Variants in AGPAT4 observed in about 807,000 individuals in gnomAD.
AGPAT4 encodes the protein 1-acyl-sn-glycerol-3-phosphate acyltransferase delta.
A neutral mutation model predicts 48.0 loss-of-function variants in AGPAT4; 15 were observed. That is an observed-to-expected ratio of 0.31 (90% CI 0.21 to 0.48). The LOEUF is 0.48. Among genes scored for constraint, AGPAT4 ranks in the 20% least tolerant of loss-of-function variants. The pLI, the probability that AGPAT4 is intolerant of heterozygous loss-of-function variation, is 0.99. For synonymous variants in AGPAT4, 178 were observed against 198.7 expected, an observed-to-expected ratio of 0.90 and a Z score of 0.88; for missense variants, 314 against 482.5, an observed-to-expected ratio of 0.65 and a Z score of 3.27.
Position 161,232,573 on chromosome 6 carries a change from G to A in AGPAT4, c.-89-271C>T, listed in dbSNP as rs1213333822. 1.3e-5 allele frequency among the ~76,000 whole-genome samples: 2 copies of A among 152,170 alleles called. No individual in the cohort carries two copies. The highest frequency in any genetic ancestry group is 2.9e-5 in the Non-Finnish European group (2 of 68,016). ...AGGAAACTGAGTCCTGGAAGGTGGAGCCACTCGGCCAGGGTTCACCGCTCC... is the reference window on the plus strand; with the variant it reads ...AGGAAACTGAGTCCTGGAAGGTGGAACCACTCGGCCAGGGTTCACCGCTCC... On this transcript the variant is annotated intron_variant, in intron 1 of 8. Coordinates refer to ENST00000320285, the MANE Select transcript of AGPAT4 (RefSeq NM_020133.3). The surrounding 1 kb of genome is among the most constrained non-coding windows in gnomAD (Gnocchi z 6.8).
In AGPAT4 at chr6:161,270,761, G is replaced by A. The variant is rs923150477; in HGVS notation, c.-90+3177C>T. Among the ~76,000 whole-genome samples, 1 of 151,868 alleles carries A rather than the reference G, an allele frequency of 6.6e-6. No homozygotes were observed. Among genetic ancestry groups the A allele is most frequent in the Non-Finnish European group, 1.5e-5 (1 of 67,960 alleles). On this transcript the variant is annotated intron_variant, in intron 1 of 8. Coordinates refer to ENST00000320285, the MANE Select transcript of AGPAT4 (RefSeq NM_020133.3). This position sits in a 1 kb window ranked among gnomAD's most constrained non-coding sequence, Gnocchi z 5.3. ...CACGCCATTGCACTCCAGCCTGGGCGACAGAGCAAGACTTCATCTCAAAAA... is the reference window on the plus strand; with the variant it reads ...CACGCCATTGCACTCCAGCCTGGGCAACAGAGCAAGACTTCATCTCAAAAA...
rs933724705 is a variant in AGPAT4, at chr6:161,232,945, G to C, written c.-89-643C>G. Among the ~76,000 whole-genome samples, 1 of 152,178 alleles carries C rather than the reference G, an allele frequency of 6.6e-6. No homozygotes were observed. Among genetic ancestry groups the C allele is most frequent in the African/African-American group, 2.4e-5 (1 of 41,444 alleles). ...ACATGAGAGCCATCACTGGCACAGG[G>C]TGGGAACTTAATTTTAAAAAATATT... On this transcript the variant is annotated intron_variant, in intron 1 of 8. Coordinates refer to ENST00000320285, the MANE Select transcript of AGPAT4 (RefSeq NM_020133.3). This position sits in a 1 kb window ranked among gnomAD's most constrained non-coding sequence, Gnocchi z 6.8.
At chr6:161,203,152 T>G (rs550581154) in intron 2 of AGPAT4, among the ~76,000 whole-genome samples, 13 of 152,282 alleles carry the variant, frequency 8.5e-5, no homozygotes, top group Non-Finnish European at 1.8e-4. Flanking sequence ...CAGCATTTAG[T>G]AACTGGAATA....
rs1778889250 is a variant in AGPAT4 at position 161,131,179 on chromosome 6, T to A, written c.*5361A>T. ...AAAAAAACAAATTAAATGTAAAAAT[T>A]GTATGACTCTTACCCAGTGAAAAGC... On this transcript the variant is annotated 3_prime_UTR_variant, in exon 9 of 9. Transcript: ENST00000320285. The A allele has an allele frequency of 3.3e-6, 1 of 302,148 alleles. No homozygotes were observed. Among genetic ancestry groups the A allele is most frequent in the East Asian group, 7.8e-5 (1 of 12,756 alleles). The allele number at this position is 302,148 out of a possible 1,614,324, so 18.7% of individuals were successfully genotyped here. A position where few individuals can be genotyped will look rare whatever the true frequency, so the allele number is the denominator to read the frequency against.
In AGPAT4 at chr6:161,260,655, C is replaced by CAAAA. The variant is rs377444402; in HGVS notation, c.-90+13279_-90+13282dup. 3.7e-4 allele frequency among the ~76,000 whole-genome samples: 17 copies of CAAAA among 45,670 alleles called. 3 individuals carry two copies. The highest frequency in any genetic ancestry group is 6.1e-4 in the Non-Finnish European group (14 of 23,032). The allele number at this position is 45,670 out of a possible 152,430, so 30.0% of individuals were successfully genotyped here. ...TGGGCCACAAAAGGAGACTACGTCTCAAAAAAAAAAAAAAAAAAAAAAAAA... is the reference window on the plus strand; with the variant it reads ...TGGGCCACAAAAGGAGACTACGTCTCAAAAAAAAAAAAAAAAAAAAAAAAAAAAA... On this transcript the variant is annotated intron_variant, in intron 1 of 8. Coordinates refer to ENST00000320285, the MANE Select transcript of AGPAT4 (RefSeq NM_020133.3).
At chr6:161,237,096 G>A (rs55660955) in intron 1 of AGPAT4, among the ~76,000 whole-genome samples, 5,683 of 152,230 alleles carry the variant, frequency 0.037, 122 homozygotes, top group East Asian at 0.088. Context: ...CCAGAAGGCC[G>A]CATCTGACCC....
intron 2 of AGPAT4, among the ~76,000 whole-genome samples, chr6:161,183,013 C>T (rs1780644952): frequency 1.3e-5 from 2 of 152,180 alleles, no homozygotes; most frequent in South Asian, 2.1e-4. Context: ...TTCCCACCCT[C>T]AATGCACCTC....
chr6:161,199,379 G>A (rs540733186), intron 2 of AGPAT4, among the ~76,000 whole-genome samples: 1 of 152,184 alleles, frequency 6.6e-6, no homozygotes, highest in African/African-American at 2.4e-5. Flanking sequence ...CTACTGACTA[G>A]AGCAGAGACC....
intron 1 of AGPAT4, among the ~76,000 whole-genome samples, chr6:161,269,899 CA>C (rs1295893211): frequency 1.3e-5 from 2 of 151,996 alleles, no homozygotes; most frequent in African/African-American, 4.8e-5. Context: ...GACTTAGGAT[CA>C]AAGGAAGAAG....
chr6:161,257,833 C>T (rs1782986231), intron 1 of AGPAT4, among the ~76,000 whole-genome samples: 1 of 152,206 alleles, frequency 6.6e-6, no homozygotes, highest in Admixed American at 6.5e-5. Context: ...TAGCTATGAA[C>T]CCATCTGGTC....
rs768116636 is a variant in AGPAT4, at chr6:161,166,365, C to T, written c.231G>A (p.Thr77=). ...CATACTTGAGGTAGGCGCGCGGGTC[C>T]GTGAAGATGGTGCATTCCGTGCCCG... The part of the protein sequence containing the change: ...WWSGTECTIF[T]DPRAYLKYGK... Residue 77 remains threonine (T), a synonymous_variant, in exon 3 of 9, where the codon ACG becomes ACA. Coordinates refer to ENST00000320285, the MANE Select transcript of AGPAT4 (RefSeq NM_020133.3). This position sits in a 1 kb window ranked among gnomAD's most constrained non-coding sequence, Gnocchi z 6.7. 8.0e-5 allele frequency: 129 copies of T among 1,613,802 alleles called. No individual in the cohort carries two copies. The highest frequency in any genetic ancestry group is 1.1e-4 in the Non-Finnish European group (126 of 1,179,926).
intron 1 of AGPAT4, among the ~76,000 whole-genome samples, chr6:161,271,198 T>G (rs1169888218): frequency 6.6e-6 from 1 of 150,880 alleles, no homozygotes; most frequent in African/African-American, 2.4e-5. Context: ...TCTCCCTTCT[T>G]GGAGTTAAGA....
intron 2 of AGPAT4, among the ~76,000 whole-genome samples, chr6:161,173,268 A>G (rs1780331466): frequency 6.6e-6 from 1 of 152,162 alleles, no homozygotes; most frequent in Non-Finnish European, 1.5e-5. Context: ...CAACAGTGTA[A>G]AAGTGTTCCT....
rs990342485 is a variant in AGPAT4, at chr6:161,264,934, G to T, written c.-90+9004C>A. On this transcript the variant is annotated intron_variant, in intron 1 of 8. Transcript: ENST00000320285. The surrounding 1 kb of genome is among the most constrained non-coding windows in gnomAD (Gnocchi z 6.8). Reference sequence around the variant, plus strand: ...AGCCTAACTTCAGGCAGGGCAGGGTGCTGGTCCTGGGAAGGAAGTAAAGGT... The same window carrying T: ...AGCCTAACTTCAGGCAGGGCAGGGTTCTGGTCCTGGGAAGGAAGTAAAGGT... Among the ~76,000 whole-genome samples, 5 of 152,262 alleles carry T rather than the reference G, an allele frequency of 3.3e-5. No homozygotes were observed. Among genetic ancestry groups the T allele is most frequent in the Middle Eastern group, 3.4e-3 (1 of 294 alleles).
At position 161,217,759 on chromosome 6, in the gene AGPAT4, G is replaced by A. The variant is rs1370530346; in HGVS notation, c.178+14277C>T. Among the ~76,000 whole-genome samples, 4 of 152,210 alleles carry A rather than the reference G, an allele frequency of 2.6e-5. No homozygotes were observed. Among genetic ancestry groups the A allele is most frequent in the African/African-American group, 4.8e-5 (2 of 41,448 alleles). The stretch of plus-strand genomic sequence containing the variant: ...TCCTCAAAGCCCTGGAATTGGATCA[G>A]GGAGTCCAGCCAGAAACCTCCTCCC... On this transcript the variant is annotated intron_variant, in intron 2 of 8. Transcript: ENST00000320285. This position sits in a 1 kb window ranked among gnomAD's most constrained non-coding sequence, Gnocchi z 4.9.
chr6:161,172,378 C>A (rs1033655111), intron 2 of AGPAT4, among the ~76,000 whole-genome samples: 2 of 152,176 alleles, frequency 1.3e-5, no homozygotes, highest in African/African-American at 4.8e-5. Flanking sequence ...ACAGGGGGCA[C>A]CCCATCCAGG....
In AGPAT4 at chr6:161,132,352, C is replaced by G. The variant is rs1335641203; in HGVS notation, c.*4188G>C. The G allele has an allele frequency of 1.3e-5, 2 of 152,332 alleles. No homozygotes were observed. Among genetic ancestry groups the G allele is most frequent in the Non-Finnish European group, 2.9e-5 (2 of 68,110 alleles). 9.4% of individuals were successfully genotyped at this position (152,332 alleles called of 1,614,324 possible). A position where few individuals can be genotyped will look rare whatever the true frequency, so the allele number is the denominator to read the frequency against. Reference sequence around the variant, plus strand: ...TCCAGAAAAGGGGGATTTTCAGCAGCTGGCTTGAAGCCCCTGAATGGTCCC... The same window carrying G: ...TCCAGAAAAGGGGGATTTTCAGCAGGTGGCTTGAAGCCCCTGAATGGTCCC... On this transcript the variant is annotated 3_prime_UTR_variant, in exon 9 of 9. Transcript: ENST00000320285.
Position 161,133,899 on chromosome 6 carries a change from T to G in AGPAT4, c.*2641A>C, listed in dbSNP as rs1778982406. The G allele has an allele frequency of 6.6e-6, 1 of 152,208 alleles. No homozygotes were observed. Among genetic ancestry groups the G allele is most frequent in the African/African-American group, 2.4e-5 (1 of 41,432 alleles). The allele number at this position is 152,208 out of a possible 1,614,324, so 9.4% of individuals were successfully genotyped here. ...GGCTTAGGCTCCGTGGGTTTTCAAC[T>G]CGTAGAAAAAATAACCCTGGGAACC... is the stretch of plus-strand genomic sequence containing the variant. On this transcript the variant is annotated 3_prime_UTR_variant, in exon 9 of 9. Coordinates refer to ENST00000320285, the MANE Select transcript of AGPAT4 (RefSeq NM_020133.3).
Position 161,144,994 on chromosome 6 carries a change from A to T in AGPAT4, c.843+1530T>A, listed in dbSNP as rs4547987. ...AAACTCAGTCTCAAAAAAAAAAAAT[A>T]AAAAAAGTAACATTTTATATGCTGC... On this transcript the variant is annotated intron_variant, in intron 7 of 8. Coordinates refer to ENST00000320285, the MANE Select transcript of AGPAT4 (RefSeq NM_020133.3). This position sits in a 1 kb window ranked among gnomAD's most constrained non-coding sequence, Gnocchi z 6.6. Among the ~76,000 whole-genome samples, 26,691 of 151,214 alleles carry T rather than the reference A, an allele frequency of 0.18. 3,629 individuals carry two copies. Among genetic ancestry groups the T allele is most frequent in the African/African-American group, 0.35 (14,164 of 40,614 alleles).
Sources: gnomAD v4.1 joint callset for allele counts (sites outside exome capture counted in the v4.1 genomes callset) on GRCh38, gnomAD v4.1.1 for gene constraint, Gnocchi (gnomAD v3.1) non-coding constraint, MANE v1.5 for transcripts, NCBI Gene and HGNC (gene_info 2026-07-23, HGNC 2026-07-21) for gene names.